The following LRFN2 variants were observed in gnomAD, a reference collection of about 807,000 sequenced individuals.
The protein encoded by LRFN2 is leucine rich repeat and fibronectin type III domain containing 2.
In LRFN2, 18 loss-of-function variants were observed where a neutral mutation model predicts 37.3. The observed-to-expected ratio is 0.48, with a 90% CI of 0.33 to 0.72. The LOEUF is 0.72. LRFN2 is among the 30% of genes least tolerant of loss of function. The pLI, the probability that LRFN2 is intolerant of heterozygous loss-of-function variation, is 0.02. For missense variants in LRFN2, 1,006 were observed against 1,060.7 expected, an observed-to-expected ratio of 0.95 and a Z score of 0.72; for synonymous variants, 556 against 466.6, an observed-to-expected ratio of 1.19 and a Z score of -2.47.
At chr6:40,509,537 T>C (rs1373207583) in intron 1 of LRFN2, among the ~76,000 whole-genome samples, 3 of 148,884 alleles carry the variant, frequency 2.0e-5, no homozygotes, top group African/African-American at 7.4e-5. Context: ...ATGTGGGTAT[T>C]CTAGGGAACA....
rs1280238712 is a variant in LRFN2 at position 40,556,686 on chromosome 6, CTCTT to C, written c.-19+30251_-19+30254del. Among the ~76,000 whole-genome samples, 319 of 125,208 alleles carry C rather than the reference CTCTT, an allele frequency of 2.5e-3. 2 individuals are homozygous for C. The highest frequency in any genetic ancestry group is 9.9e-3 in the African/African-American group (308 of 31,082). 82.1% of individuals were successfully genotyped at this position (125,208 alleles called of 152,430 possible). On this transcript the variant is annotated intron_variant, in intron 1 of 2. Coordinates refer to ENST00000338305, the MANE Select transcript of LRFN2 (RefSeq NM_020737.3). ...TCTCTCTCTCTCTCTCTCTCTCTCT[CTCTT>C]TGTTTCTCTCTCTCTTACCTACATA...
intron 1 of LRFN2, among the ~76,000 whole-genome samples, chr6:40,569,245 T>C (rs1417098147): frequency 6.6e-6 from 1 of 152,168 alleles, no homozygotes; most frequent in African/African-American, 2.4e-5. Flanking sequence ...GGAGAAGCCC[T>C]GGAGGATGGG....
intron 1 of LRFN2, among the ~76,000 whole-genome samples, chr6:40,467,166 AGATGATGATGATGATGATGATGATGAT>A (rs35088407): frequency 6.7e-6 from 1 of 148,562 alleles, no homozygotes; most frequent in African/African-American, 2.5e-5. Flanking sequence ...AAGTTGAATG[AGATGATGATGATGATGATGATGATGAT>A]GATGATGATG....
In LRFN2 at chr6:40,477,412, G is replaced by A. The variant is rs181790934; in HGVS notation, c.-18-44281C>T. ...GCCTGCTTTCAACAAGGTTATCTAC[G>A]TTGTCTGTGGTCCCATGAGAAAACC... is the stretch of plus-strand genomic sequence containing the variant. On this transcript the variant is annotated intron_variant, in intron 1 of 2. Transcript: ENST00000338305. 3.7e-4 allele frequency among the ~76,000 whole-genome samples: 57 copies of A among 152,286 alleles called. 1 individual carries two copies. Among genetic ancestry groups the A allele is most frequent in the Admixed American group, 2.4e-3 (37 of 15,302 alleles).
intron 1 of LRFN2, among the ~76,000 whole-genome samples, chr6:40,492,770 T>A (rs1765122038): frequency 6.6e-6 from 1 of 152,044 alleles, no homozygotes; most frequent in African/African-American, 2.4e-5. Context: ...AGCCTCTCAG[T>A]CATAACCAGA....
At chr6:40,482,791 G>T (rs1764864947) in intron 1 of LRFN2, among the ~76,000 whole-genome samples, 2 of 152,260 alleles carry the variant, frequency 1.3e-5, no homozygotes, top group Non-Finnish European at 2.9e-5. Flanking sequence ...GCTTTCTTTG[G>T]GATGGCTCAG....
rs59391301 is a variant in LRFN2, at chr6:40,585,852, TACAC to T, written c.-19+1085_-19+1088del. 2.5e-3 allele frequency among the ~76,000 whole-genome samples: 371 copies of T among 148,744 alleles called. 1 individual carries two copies. The highest frequency in any genetic ancestry group is 2.7e-3 in the African/African-American group (109 of 40,666). On this transcript the variant is annotated intron_variant, in intron 1 of 2. Coordinates refer to ENST00000338305, the MANE Select transcript of LRFN2 (RefSeq NM_020737.3). ...ACACATGCGTACACACACACACGCG[TACAC>T]ACACACACACACACACACACTCCAT...
chr6:40,452,666 G>A (rs1400738461), intron 1 of LRFN2, among the ~76,000 whole-genome samples: 2 of 152,178 alleles, frequency 1.3e-5, no homozygotes, highest in African/African-American at 4.8e-5. Context: ...TCTCTGAAAA[G>A]AGCCACGCAG....
chr6:40,508,083 G>T lies in LRFN2; in HGVS notation c.-18-74952C>A, dbSNP rs188438468. Reference sequence around the variant, plus strand: ...CTGAGTGAGACAGTGCCCAAGCCTAGCTCTGTTCCTTCACCAGCCGTCACC... The same window carrying T: ...CTGAGTGAGACAGTGCCCAAGCCTATCTCTGTTCCTTCACCAGCCGTCACC... On this transcript the variant is annotated intron_variant, in intron 1 of 2. Coordinates refer to ENST00000338305, the MANE Select transcript of LRFN2 (RefSeq NM_020737.3). 1.5e-3 allele frequency among the ~76,000 whole-genome samples: 227 copies of T among 152,238 alleles called. 1 individual carries two copies. Among genetic ancestry groups the T allele is most frequent in the African/African-American group, 5.2e-3 (217 of 41,538 alleles).
intron 1 of LRFN2, among the ~76,000 whole-genome samples, chr6:40,524,709 A>T (rs572686359): frequency 6.6e-6 from 1 of 152,228 alleles, no homozygotes; most frequent in Non-Finnish European, 1.5e-5. Context: ...GATGGTGGTC[A>T]ATATGCCCAG....
intron 1 of LRFN2, among the ~76,000 whole-genome samples, chr6:40,435,014 CATATATAT>C (rs368583078): frequency 0.019 from 907 of 47,912 alleles, 9 homozygotes; most frequent in African/African-American, 0.043. Flanking sequence ...AATGGTTTTA[CATATATAT>C]ATATATATAT....
chr6:40,569,671 C>T (rs915906883), intron 1 of LRFN2, among the ~76,000 whole-genome samples: 37 of 152,164 alleles, frequency 2.4e-4, no homozygotes, highest in Admixed American at 3.9e-4. Context: ...AGCCTGGCTC[C>T]GCACTGCTCT....
chr6:40,482,466 A>G (rs1311434762), intron 1 of LRFN2, among the ~76,000 whole-genome samples: 3 of 152,142 alleles, frequency 2.0e-5, no homozygotes, highest in African/African-American at 7.2e-5. Flanking sequence ...TGTCCCTGAC[A>G]CACCCCCACC....
At chr6:40,532,724 C>T (rs205504) in intron 1 of LRFN2, among the ~76,000 whole-genome samples, 99,020 of 152,110 alleles carry the variant, frequency 0.65, 33,416 homozygotes, top group African/African-American at 0.84. Context: ...ACTTTTATTA[C>T]AGTAATTATA....
chr6:40,449,816 T>A (rs1030982525), intron 1 of LRFN2, among the ~76,000 whole-genome samples: 1 of 152,192 alleles, frequency 6.6e-6, no homozygotes, highest in African/African-American at 2.4e-5. Flanking sequence ...CATAGCACAA[T>A]TGACATTGGT....
At chr6:40,401,121 T>G (rs34765854) in intron 2 of LRFN2, among the ~76,000 whole-genome samples, 35,815 of 151,278 alleles carry the variant, frequency 0.24, 4,969 homozygotes, top group Non-Finnish European at 0.3. Flanking sequence ...GAAAAGGCAT[T>G]TGGGCCTCAG....
intron 1 of LRFN2, among the ~76,000 whole-genome samples, chr6:40,514,324 G>GT (rs201374975): frequency 1.3e-5 from 2 of 151,904 alleles, no homozygotes; most frequent in Non-Finnish European, 2.9e-5. Flanking sequence ...TGTTTGTTTT[G>GT]TTTTTTTCTA....
At chr6:40,523,416 A>G (rs1766146473) in intron 1 of LRFN2, among the ~76,000 whole-genome samples, 1 of 152,090 alleles carries the variant, frequency 6.6e-6, no homozygotes, top group East Asian at 1.9e-4. Flanking sequence ...CCATTGATCA[A>G]AGTGGTGAAG....
Position 40,410,843 on chromosome 6 carries a change from C to T in LRFN2, c.1401-17931G>A, listed in dbSNP as rs371262433. Among the ~76,000 whole-genome samples the T allele has an allele frequency of 1.6e-4, 24 of 152,252 alleles. No homozygotes were observed. The East Asian group carries it at 4.3e-3, about 27-fold the overall frequency. On this transcript the variant is annotated intron_variant, in intron 2 of 2. Transcript: ENST00000338305. ...ATGGGATTTGTTCATTAGCCAGGAG[C>T]TTTAAGGTGGGGCTGGCCTAGCCTA...
Sources: allele counts gnomAD v4.1 joint callset (sites outside exome capture counted in the v4.1 genomes callset), GRCh38; gene constraint gnomAD v4.1.1; transcripts MANE v1.5; gene names NCBI Gene and HGNC (gene_info 2026-07-23, HGNC 2026-07-21).